The following FBXL17 variants were observed in gnomAD, a reference collection of about 807,000 sequenced individuals.
The protein encoded by FBXL17 is F-box/LRR-repeat protein 17.
A neutral mutation model predicts 66.2 loss-of-function variants in FBXL17; 22 were observed. That is an observed-to-expected ratio of 0.33 (90% CI 0.24 to 0.47). The LOEUF is 0.47. Among genes scored for constraint, FBXL17 ranks in the 20% least tolerant of loss-of-function variants. The probability of loss-of-function intolerance (pLI) is 1.00; values close to 1 mark genes in which losing one functional copy is unlikely to be tolerated. For missense variants in FBXL17, 878 were observed against 948.2 expected (o/e 0.93, Z 0.97); for synonymous variants, 474 against 400.5 (o/e 1.18, Z -2.19).
chr5:108,309,249 T>C (rs1230411608), intron 4 of FBXL17, among the ~76,000 whole-genome samples: 4 of 151,858 alleles, frequency 2.6e-5, no homozygotes, highest in Non-Finnish European at 5.9e-5. Flanking sequence ...TAACAGAGCA[T>C]AGCCATTTTT....
intron 4 of FBXL17, among the ~76,000 whole-genome samples, chr5:108,338,647 G>C (rs1261957184): frequency 6.6e-6 from 1 of 152,070 alleles, no homozygotes; most frequent in Non-Finnish European, 1.5e-5. Flanking sequence ...TAAGATGCAA[G>C]AGAAGAAGGG....
intron 7 of FBXL17, among the ~76,000 whole-genome samples, chr5:107,970,978 T>C (rs376224028): frequency 4.6e-4 from 70 of 152,330 alleles, no homozygotes; most frequent in African/African-American, 1.7e-3. Flanking sequence ...AGACACAGTA[T>C]GCTAGAAATT....
At chr5:108,121,590 G>A (rs749585606) in intron 6 of FBXL17, among the ~76,000 whole-genome samples, 1 of 150,748 alleles carries the variant, frequency 6.6e-6, no homozygotes, top group South Asian at 2.1e-4. Context: ...ACAGAGTCTC[G>A]CTCTCACCCA....
chr5:107,879,490 G>A, intron 8 of FBXL17: 1 of 985,440 alleles, frequency 1.0e-6, no homozygotes, highest in Non-Finnish European at 1.2e-6. Context: ...TACAAAGTAA[G>A]TCGCTTCTGG....
chr5:108,378,501 G>A (rs947174770), intron 1 of FBXL17, among the ~76,000 whole-genome samples: 1 of 151,502 alleles, frequency 6.6e-6, no homozygotes, highest in Non-Finnish European at 1.5e-5. Context: ...GCCTCTCTAC[G>A]CAACCCTTCT....
chr5:108,098,863 T>TATATCATGTTTACATGTTG (rs1749491327), intron 6 of FBXL17, among the ~76,000 whole-genome samples: 1 of 151,964 alleles, frequency 6.6e-6, no homozygotes, highest in Admixed American at 6.5e-5. Flanking sequence ...TAAACATGAA[T>TATATCATGTTTACATGTTG]ATATCATGTT....
At chr5:108,218,623 A>G (rs1051770634) in intron 5 of FBXL17, among the ~76,000 whole-genome samples, 1 of 152,134 alleles carries the variant, frequency 6.6e-6, no homozygotes, top group South Asian at 2.1e-4. Flanking sequence ...CAGCCATTCT[A>G]ACAAGTGTAA....
intron 4 of FBXL17, among the ~76,000 whole-genome samples, chr5:108,340,127 T>TAA (rs753999927): frequency 1.5e-5 from 2 of 133,270 alleles, no homozygotes; most frequent in African/African-American, 2.8e-5. Flanking sequence ...GCTATGTGAT[T>TAA]AAAAAAAAAA....
rs74784166 is a variant in FBXL17 at position 108,236,792 on chromosome 5, T to C, written c.1507-12564A>G. Among the ~76,000 whole-genome samples the C allele has an allele frequency of 5.5e-3, 836 of 152,280 alleles. 6 individuals carry two copies. The highest frequency in any genetic ancestry group is 0.01 in the Middle Eastern group (3 of 294). ...ATTTTTTCATCTCTTGCAGGCCAAG[T>C]AGTCAGTGGGCCCATAGGGTACCCT... On this transcript the variant is annotated intron_variant, in intron 4 of 8. Coordinates refer to ENST00000542267, the MANE Select transcript of FBXL17 (RefSeq NM_001163315.3).
At chr5:108,129,806 C>G (rs980677689) in intron 6 of FBXL17, among the ~76,000 whole-genome samples, 10 of 151,732 alleles carry the variant, frequency 6.6e-5, no homozygotes, top group Admixed American at 3.9e-4. Context: ...GGCAGGTAAA[C>G]TAAGATCTTT....
intron 4 of FBXL17, among the ~76,000 whole-genome samples, chr5:108,334,832 G>C (rs773832627): frequency 2.4e-4 from 37 of 152,106 alleles, no homozygotes; most frequent in Non-Finnish European, 2.1e-4. Context: ...GTAAAGGCCC[G>C]CTGTCAAAGA....
At chr5:107,992,334 A>G (rs1753284779) in intron 7 of FBXL17, among the ~76,000 whole-genome samples, 1 of 152,216 alleles carries the variant, frequency 6.6e-6, no homozygotes, top group Non-Finnish European at 1.5e-5. Flanking sequence ...AAAGTATAGT[A>G]TTAAACACAG....
At position 108,008,993 on chromosome 5, in the gene FBXL17, G is replaced by A. The variant is rs771183499; in HGVS notation, c.1822+11932C>T. Among the ~76,000 whole-genome samples the A allele has an allele frequency of 9.3e-4, 140 of 150,774 alleles. 2 individuals are homozygous for A. The highest frequency in any genetic ancestry group is 1.2e-3 in the Admixed American group (18 of 15,114). On this transcript the variant is annotated intron_variant, in intron 7 of 8. Transcript: ENST00000542267. ...CCATATGTGAGGAAAGAGATAGTAAGTAGGAAGAAAAAAAAGGGAAATTTA... is the reference window on the plus strand; with the variant it reads ...CCATATGTGAGGAAAGAGATAGTAAATAGGAAGAAAAAAAAGGGAAATTTA...
At chr5:108,090,220 C>T (rs1455132168) in intron 6 of FBXL17, among the ~76,000 whole-genome samples, 1 of 152,164 alleles carries the variant, frequency 6.6e-6, no homozygotes, top group East Asian at 1.9e-4. Flanking sequence ...ATAAAATCTC[C>T]TGTTTTGACA....
chr5:108,310,807 T>C (rs1759078022), intron 4 of FBXL17, among the ~76,000 whole-genome samples: 2 of 152,200 alleles, frequency 1.3e-5, no homozygotes, highest in Admixed American at 1.3e-4. Flanking sequence ...AAAGGCAATA[T>C]GTGACTTGTC....
At chr5:107,984,858 A>C (rs186272809) in intron 7 of FBXL17, among the ~76,000 whole-genome samples, 2 of 152,288 alleles carry the variant, frequency 1.3e-5, no homozygotes, top group Admixed American at 6.5e-5. Context: ...TGTGCATAGA[A>C]TCCTTATATG....
At chr5:108,322,582 G>C (rs1049288759) in intron 4 of FBXL17, among the ~76,000 whole-genome samples, 4 of 151,752 alleles carry the variant, frequency 2.6e-5, no homozygotes, top group Admixed American at 6.6e-5. Flanking sequence ...GTGATTGATG[G>C]GAGCAAGACT....
Position 108,181,168 on chromosome 5 carries a change from A to G in FBXL17, c.1745+4949T>C, listed in dbSNP as rs1302394477. Among the ~76,000 whole-genome samples, 4 of 152,218 alleles carry G rather than the reference A, an allele frequency of 2.6e-5. No homozygotes were observed. In the East Asian group the frequency reaches 7.7e-4, roughly 29 times the overall value. ...GCTGCTTCTGGACTCCGCGTCAAAC[A>G]TATAAAAATGTTGTAGACCAAATTG... On this transcript the variant is annotated intron_variant, in intron 6 of 8. Transcript: ENST00000542267.
intron 5 of FBXL17, among the ~76,000 whole-genome samples, chr5:108,204,745 A>G (rs1754042835): frequency 6.6e-6 from 1 of 152,160 alleles, no homozygotes; most frequent in Middle Eastern, 3.2e-3. Flanking sequence ...AAAGTATAAT[A>G]TTGAATAGTA....
Sources: allele counts gnomAD v4.1 joint callset (sites outside exome capture counted in the v4.1 genomes callset), GRCh38; gene constraint gnomAD v4.1.1; transcripts MANE v1.5; gene names NCBI Gene and HGNC (gene_info 2026-07-23, HGNC 2026-07-21).